Variants in DRAM1 observed in about 807,000 individuals in gnomAD.
The protein encoded by DRAM1 is DNA damage-regulated autophagy modulator protein 1.
DRAM1 carries 25 observed loss-of-function variants against 28.5 expected under a neutral mutation model. That is an observed-to-expected ratio of 0.88 (90% CI 0.64 to 1.23). DRAM1 has a LOEUF of 1.23. DRAM1 is among the 50% of genes most tolerant of loss of function. The probability of loss-of-function intolerance (pLI) is 0.00; values close to 1 mark genes in which losing one functional copy is unlikely to be tolerated. For synonymous variants in DRAM1, 113 were observed against 114.2 expected, an observed-to-expected ratio of 0.99 and a Z score of 0.07; for missense variants, 249 against 299.2, an observed-to-expected ratio of 0.83 and a Z score of 1.24.
chr12:101,904,603 G>A (rs1299898006), intron 3 of DRAM1, among the ~76,000 whole-genome samples: 6 of 151,158 alleles, frequency 4.0e-5, no homozygotes, highest in African/African-American at 9.7e-5. Context: ...CACCACGCCC[G>A]GCTAATTTTT....
At chr12:101,911,141 G>C (rs78314569) in intron 4 of DRAM1, among the ~76,000 whole-genome samples, 14,292 of 152,040 alleles carry the variant, frequency 0.094, 1,338 homozygotes, top group East Asian at 0.24. Context: ...GAGGCTGAAG[G>C]AGGAGAATCG....
chr12:101,895,575 T>TTATTTA (rs1566124082), intron 1 of DRAM1, among the ~76,000 whole-genome samples: 5 of 142,976 alleles, frequency 3.5e-5, no homozygotes, highest in African/African-American at 1.1e-4. Context: ...TATTTTTTTT[T>TTATTTA]TTTTTTTTTT....
chr12:101,891,727 C>T (rs965812074), intron 1 of DRAM1, among the ~76,000 whole-genome samples: 4 of 152,224 alleles, frequency 2.6e-5, no homozygotes, highest in Non-Finnish European at 5.9e-5. Context: ...GTCCTCTTTA[C>T]AGTTTCCAGA....
Position 101,882,107 on chromosome 12 carries a change from A to ATTTT in DRAM1, c.131+4213_131+4216dup, listed in dbSNP as rs78402038. 7.3e-4 allele frequency among the ~76,000 whole-genome samples: 95 copies of ATTTT among 129,552 alleles called. 1 individual carries two copies. The highest frequency in any genetic ancestry group is 2.3e-3 in the African/African-American group (85 of 36,696). The allele number at this position is 129,552 out of a possible 152,430, so 85.0% of individuals were successfully genotyped here. A position where few individuals can be genotyped will look rare whatever the true frequency, so the allele number is the denominator to read the frequency against. ...ATTGTTCAGTCATTCTGATGGTCTAATTTTTTTTTTTTTTTTTTTTTTTTT... is the reference window on the plus strand; with the variant it reads ...ATTGTTCAGTCATTCTGATGGTCTAATTTTTTTTTTTTTTTTTTTTTTTTTTTTT... On this transcript the variant is annotated intron_variant, in intron 1 of 6. Transcript: ENST00000258534.
chr12:101,907,582 T>C (rs61936570), intron 3 of DRAM1, among the ~76,000 whole-genome samples: 17,111 of 151,154 alleles, frequency 0.11, 1,018 homozygotes, highest in Middle Eastern at 0.18. Context: ...CTACTAAAAA[T>C]ACAAAAATTA....
chr12:101,908,313 G>T lies in DRAM1; in HGVS notation c.470G>T (p.Cys157Phe). 6.2e-7 allele frequency: 1 copy of T among 1,614,022 alleles called. No individual in the cohort carries two copies. Among genetic ancestry groups the T allele is most frequent in the Middle Eastern group, 1.6e-4 (1 of 6,062 alleles). The change falls in exon 4 of 7, where the codon TGC becomes TTC. Residue 157 changes from cysteine (C) to phenylalanine (F), a missense_variant. By Grantham distance (205) the Cys-to-Phe change is radical (BLOSUM62 -2). Transcript: ENST00000258534. ...CCCCAGTGGAACAGTCTCTCGACAT[G>T]CCACATACGGATGGTCATCTCTGCC... ...SCPQWNSLST[C>F]HIRMVISAVS...
rs866770752 is a variant in DRAM1 at position 101,877,911 on chromosome 12, C to T, written c.122C>T (p.Pro41Leu). ...TCCGGGCACGTCAACCCCTTCCTCC[C>T]GTATATCAGGTGAGTGGCAGGGTGG... ...VLSGHVNPFL[P>L]YISDTGTTPP... is the part of the protein sequence containing the mutation. Residue 41 changes from proline (P) to leucine (L), a missense_variant, in exon 1 of 7, where the codon CCG becomes CTG. This residue lies in a region of DRAM1 where 218 missense variants were observed against 243.1 expected (regional missense o/e 0.90). Transcript: ENST00000258534. This position sits in a 1 kb window ranked among gnomAD's most constrained non-coding sequence, Gnocchi z 4.1. 2.0e-6 allele frequency: 3 copies of T among 1,536,038 alleles called. No individual in the cohort carries two copies. Among genetic ancestry groups the T allele is most frequent in the South Asian group, 2.4e-5 (2 of 82,338 alleles).
chr12:101,912,015 G>A (rs543217279), intron 4 of DRAM1, among the ~76,000 whole-genome samples: 9 of 152,096 alleles, frequency 5.9e-5, no homozygotes, highest in East Asian at 1.9e-4. Context: ...CCTGGCTAAC[G>A]TGGTGAAACC....
chr12:101,895,184 A>AG (rs1873299272), intron 1 of DRAM1, among the ~76,000 whole-genome samples: 1 of 97,804 alleles, frequency 1.0e-5, no homozygotes, highest in Non-Finnish European at 1.9e-5. Flanking sequence ...GAAACCCTTC[A>AG]GGTTTTTTTT....
At chr12:101,913,657 G>T (rs12319262) in intron 4 of DRAM1, among the ~76,000 whole-genome samples, 12,929 of 138,200 alleles carry the variant, frequency 0.094, 1,119 homozygotes, top group East Asian at 0.25. Context: ...AGTGAGCTGA[G>T]ATCGCGCCAT....
At chr12:101,879,710 G>C (rs1872623061) in intron 1 of DRAM1, among the ~76,000 whole-genome samples, 1 of 152,158 alleles carries the variant, frequency 6.6e-6, no homozygotes, top group Non-Finnish European at 1.5e-5. Context: ...GTAAAGACCT[G>C]CTCAGCTGGG....
At chr12:101,913,663 G>T (rs931921682) in intron 4 of DRAM1, among the ~76,000 whole-genome samples, 1 of 136,620 alleles carries the variant, frequency 7.3e-6, no homozygotes, top group African/African-American at 2.8e-5. Context: ...CTGAGATCGC[G>T]CCATTGCACT....
rs1872530591 is a variant in DRAM1, at chr12:101,877,640, TC to T, written c.-148del. On this transcript the variant is annotated 5_prime_UTR_variant, in exon 1 of 7. Coordinates refer to ENST00000258534, the MANE Select transcript of DRAM1 (RefSeq NM_018370.3). This position sits in a 1 kb window ranked among gnomAD's most constrained non-coding sequence, Gnocchi z 4.1. ...CTCCGCTCCTCGCGCTTCCCCTCCC[TC>T]CGGGGCTGGGCCTGCCCCGGCCGTC... 1.5e-5 allele frequency: 7 copies of T among 468,488 alleles called. No homozygotes were observed. The South Asian group carries it at 7.1e-4, about 48-fold the overall frequency. 29.0% of individuals were successfully genotyped at this position (468,488 alleles called of 1,614,324 possible).
chr12:101,885,174 A>G (rs537990756), intron 1 of DRAM1, among the ~76,000 whole-genome samples: 1 of 152,282 alleles, frequency 6.6e-6, no homozygotes, highest in East Asian at 1.9e-4. Flanking sequence ...TTGGCCTCCC[A>G]AAGTGCTGGG....
intron 1 of DRAM1, among the ~76,000 whole-genome samples, chr12:101,885,100 A>T (rs1211875083): frequency 2.0e-5 from 3 of 151,948 alleles, no homozygotes; most frequent in Admixed American, 2.0e-4. Flanking sequence ...CGCCCGGCTA[A>T]TTTTGTATTT....
At chr12:101,914,111 G>A (rs1485312078) in intron 4 of DRAM1, 63 bp from the exon 5 acceptor site, 4 of 1,053,382 alleles carry the variant, frequency 3.8e-6, no homozygotes, top group South Asian at 1.7e-5. Context: ...GGAGAATAAT[G>A]TAGTCTTAAC....
chr12:101,889,968 C>T (rs905698242), intron 1 of DRAM1: 1 of 393,540 alleles, frequency 2.5e-6, no homozygotes, highest in African/African-American at 2.2e-5. Context: ...AAAAAGATGC[C>T]AGTAATGAGT....
chr12:101,915,268 C>G (rs756868837), intron 5 of DRAM1, among the ~76,000 whole-genome samples: 2 of 152,064 alleles, frequency 1.3e-5, no homozygotes, highest in Non-Finnish European at 2.9e-5. Flanking sequence ...TGTGAGCCAC[C>G]GCACCTGGCC....
At chr12:101,906,854 C>CAAAAAAA (rs751751554) in intron 3 of DRAM1, among the ~76,000 whole-genome samples, 7 of 67,468 alleles carry the variant, frequency 1.0e-4, no homozygotes, top group African/African-American at 2.0e-4. Context: ...GACTCTGCCT[C>CAAAAAAA]AAAAAAAAAA....
Sources: allele counts gnomAD v4.1 joint callset (sites outside exome capture counted in the v4.1 genomes callset), GRCh38; gene constraint gnomAD v4.1.1; regional missense constraint gnomAD v4.1.1; non-coding constraint Gnocchi (gnomAD v3.1); transcripts MANE v1.5; gene names NCBI Gene and HGNC (gene_info 2026-07-23, HGNC 2026-07-21).